The following INTS7 variants were observed in gnomAD, a reference collection of about 807,000 sequenced individuals.
The protein encoded by INTS7 is chromosome 1 open reading frame 73.
A neutral mutation model predicts 109.2 loss-of-function variants in INTS7; 46 were observed. That is an observed-to-expected ratio of 0.42 (90% CI 0.33 to 0.54). The LOEUF is 0.54. Ranked by LOEUF, INTS7 falls within the 20% of genes least tolerant of loss-of-function variation. The pLI is 0.07. For synonymous variants in INTS7, 412 were observed against 402.9 expected (o/e 1.02, Z -0.27); for missense variants, 929 against 1,132.4 (o/e 0.82, Z 2.58).
chr1:211,985,826 G>A lies in INTS7; in HGVS notation c.997+2060C>T, dbSNP rs772473670. ...ATGGGAAAGCTCTCATCTATTATAT[G>A]ATTAAGACTTTGTCTATCACAGCTC... On this transcript the variant is annotated intron_variant, in intron 8 of 19. Transcript: ENST00000366994. 7.2e-5 allele frequency among the ~76,000 whole-genome samples: 11 copies of A among 152,126 alleles called. No individual in the cohort carries two copies. In the South Asian group the frequency reaches 1.7e-3, roughly 23 times the overall value.
chr1:212,027,374 G>A (rs1666972494), intron 1 of INTS7, among the ~76,000 whole-genome samples: 1 of 152,076 alleles, frequency 6.6e-6, no homozygotes, highest in Non-Finnish European at 1.5e-5. Context: ...CTGGTCATAA[G>A]ACCACTAATC....
intron 4 of INTS7, among the ~76,000 whole-genome samples, chr1:212,015,277 G>A (rs2102482016): frequency 6.6e-6 from 1 of 152,334 alleles, no homozygotes; most frequent in East Asian, 1.9e-4. Flanking sequence ...AGGGGGAAAT[G>A]TGGGGAAAAG....
At chr1:211,973,993 T>A (rs1664290478) in intron 13 of INTS7, among the ~76,000 whole-genome samples, 1 of 152,092 alleles carries the variant, frequency 6.6e-6, no homozygotes, top group Non-Finnish European at 1.5e-5. Flanking sequence ...TTAATTATTG[T>A]CAAGCCTCAT....
intron 1 of INTS7, among the ~76,000 whole-genome samples, chr1:212,021,572 G>A (rs1666706868): frequency 6.6e-6 from 1 of 151,604 alleles, no homozygotes; most frequent in African/African-American, 2.4e-5. Flanking sequence ...TTAACCCATA[G>A]GTGGCTCATG....
chr1:212,033,604 G>A (rs200992255), intron 1 of INTS7, among the ~76,000 whole-genome samples: 88 of 152,236 alleles, frequency 5.8e-4, no homozygotes, highest in African/African-American at 2.1e-3. Flanking sequence ...CTCCTCTTCA[G>A]TGCCCCATCT....
intron 1 of INTS7, among the ~76,000 whole-genome samples, chr1:212,028,718 T>C (rs910859569): frequency 1.3e-5 from 2 of 152,230 alleles, no homozygotes; most frequent in Non-Finnish European, 2.9e-5. Flanking sequence ...TTAATCATAA[T>C]GATAATGATG....
At chr1:211,955,733 C>G (rs1663332684) in intron 16 of INTS7, among the ~76,000 whole-genome samples, 1 of 152,190 alleles carries the variant, frequency 6.6e-6, no homozygotes, top group South Asian at 2.1e-4. Flanking sequence ...ATCTTCACAA[C>G]TACTCTGGGA....
chr1:212,007,171 G>T, intron 6 of INTS7, 79 bp downstream of exon 6: 1 of 1,014,044 alleles, frequency 9.9e-7, no homozygotes, highest in Non-Finnish European at 1.5e-6. Flanking sequence ...AAGACTTGTG[G>T]GCCACTTTCT....
chr1:212,017,099 G>A, intron 3 of INTS7, 76 bp from the exon 4 acceptor site: 1 of 1,223,952 alleles, frequency 8.2e-7, no homozygotes, highest in Non-Finnish European at 1.1e-6. Context: ...GCAAGGCAAA[G>A]TCAGATTATC....
At chr1:211,955,930 G>A (rs1049044333) in intron 16 of INTS7, among the ~76,000 whole-genome samples, 3 of 152,104 alleles carry the variant, frequency 2.0e-5, no homozygotes, top group Admixed American at 1.3e-4. Flanking sequence ...TTTGTATGAT[G>A]GACTTTAAGG....
chr1:211,944,460 G>C (rs1184976212), intron 19 of INTS7, among the ~76,000 whole-genome samples: 1 of 152,142 alleles, frequency 6.6e-6, no homozygotes, highest in Non-Finnish European at 1.5e-5. Flanking sequence ...GACTGAGGCT[G>C]GGTGAAAAAA....
chr1:211,988,525 C>T (rs775000047), intron 7 of INTS7, among the ~76,000 whole-genome samples: 10 of 151,044 alleles, frequency 6.6e-5, no homozygotes, highest in African/African-American at 9.7e-5. Context: ...TACATAAAAA[C>T]GACACTAGGG....
rs575103484 is a variant in INTS7, at chr1:211,961,366, A to G, written c.2183+5064T>C. Among the ~76,000 whole-genome samples the G allele has an allele frequency of 2.0e-5, 3 of 152,272 alleles. No individual in the cohort carries two copies. In the East Asian group the frequency reaches 5.8e-4, roughly 29 times the overall value. ...CTACAAAGGGAAGTCCATCAGACTT[A>G]ACAGCAGACCCCTTTGAGCAGAAAC... is the stretch of plus-strand genomic sequence containing the variant. On this transcript the variant is annotated intron_variant, in intron 16 of 19. Coordinates refer to ENST00000366994, the MANE Select transcript of INTS7 (RefSeq NM_015434.4).
chr1:211,958,598 T>C lies in INTS7; in HGVS notation c.2184-5897A>G, dbSNP rs527439945. ...TATAAATGACTTTTAGCCATTTAAATATTTTTCTGTTCCCCCTTTCCCTCT... is the reference window on the plus strand; with the variant it reads ...TATAAATGACTTTTAGCCATTTAAACATTTTTCTGTTCCCCCTTTCCCTCT... On this transcript the variant is annotated intron_variant, in intron 16 of 19. Transcript: ENST00000366994. Among the ~76,000 whole-genome samples the C allele has an allele frequency of 2.0e-5, 3 of 152,344 alleles. No homozygotes were observed. In the South Asian group the frequency reaches 6.2e-4, roughly 32 times the overall value.
chr1:211,962,289 G>A (rs1188368056), intron 16 of INTS7, among the ~76,000 whole-genome samples: 5 of 147,764 alleles, frequency 3.4e-5, no homozygotes, highest in African/African-American at 1.2e-4. Flanking sequence ...AAAAGACAAG[G>A]GTATTACATA....
chr1:212,033,939 C>T (rs1667291776), intron 1 of INTS7, among the ~76,000 whole-genome samples: 1 of 151,976 alleles, frequency 6.6e-6, no homozygotes, highest in African/African-American at 2.4e-5. Flanking sequence ...AAAAATTAGC[C>T]GGGCGTGGTG....
intron 3 of INTS7, 30 bp downstream of exon 3, chr1:212,020,092 C>A (rs1222977964): frequency 2.1e-6 from 3 of 1,396,812 alleles, no homozygotes; most frequent in Non-Finnish European, 2.9e-6. Flanking sequence ...CAAATAATCT[C>A]ATAGTGAATT....
At chr1:212,009,548 C>G (rs1399668481) in intron 5 of INTS7, among the ~76,000 whole-genome samples, 1 of 152,156 alleles carries the variant, frequency 6.6e-6, no homozygotes, top group Non-Finnish European at 1.5e-5. Context: ...CAAAGTGGTC[C>G]TCCTGACATG....
intron 5 of INTS7, 151 bp from the exon 6 acceptor site, chr1:212,007,600 T>A: frequency 1.7e-6 from 1 of 577,382 alleles, no homozygotes; most frequent in South Asian, 2.4e-5. Context: ...TAGAACCAAT[T>A]GATAAATTCA....
Sources: allele counts gnomAD v4.1 joint callset (sites outside exome capture counted in the v4.1 genomes callset), GRCh38; gene constraint gnomAD v4.1.1; transcripts MANE v1.5; gene names NCBI Gene and HGNC (gene_info 2026-07-23, HGNC 2026-07-21).